The following C6orf118 variants were observed in gnomAD, a reference collection of about 807,000 sequenced individuals.
C6orf118 encodes the protein chromosome 6 open reading frame 118.
C6orf118 carries 50 observed loss-of-function variants against 50.2 expected under a neutral mutation model. That is an observed-to-expected ratio of 1.00 (90% CI 0.79 to 1.26). C6orf118 has a LOEUF of 1.26. Among genes scored for constraint, C6orf118 ranks in the 50% most tolerant of loss-of-function variants. The probability of loss-of-function intolerance (pLI) is 0.00; values close to 1 mark genes in which losing one functional copy is unlikely to be tolerated. For synonymous variants in C6orf118, 239 were observed against 230.9 expected (o/e 1.03, Z -0.32); for missense variants, 641 against 578.7 (o/e 1.11, Z -1.10).
rs940974799 is a variant in C6orf118 at position 165,302,425 on chromosome 6, C to T, written c.26-129G>A. The T allele has an allele frequency of 2.5e-6, 3 of 1,193,458 alleles. No individual in the cohort carries two copies. In the African/African-American group the frequency reaches 4.6e-5, roughly 18 times the overall value. The allele number at this position is 1,193,458 out of a possible 1,614,324, so 73.9% of individuals were successfully genotyped here. On this transcript the variant is annotated intron_variant, in intron 1 of 8. Coordinates refer to ENST00000230301, the MANE Select transcript of C6orf118 (RefSeq NM_144980.4). ...TATGGAGAAACAGACGAACAGAGTA[C>T]ATGGCCCAGCCCTTAAAAGTCAAAG...
At chr6:165,302,752 G>A (rs1049161305) in intron 1 of C6orf118, among the ~76,000 whole-genome samples, 2 of 152,234 alleles carry the variant, frequency 1.3e-5, no homozygotes, top group East Asian at 3.9e-4. Flanking sequence ...AGCAGTCCCT[G>A]ACTAAACCCC....
At chr6:165,300,253 G>C in intron 3 of C6orf118, 111 bp downstream of exon 3, 2 of 1,303,730 alleles carry the variant, frequency 1.5e-6, no homozygotes, top group African/African-American at 1.5e-5. Context: ...CCTGTCTGTA[G>C]AAGGGGGCCT....
intron 5 of C6orf118, among the ~76,000 whole-genome samples, chr6:165,295,502 A>C (rs1019525423): frequency 6.6e-6 from 1 of 152,104 alleles, no homozygotes; most frequent in Non-Finnish European, 1.5e-5. Context: ...TTCTTTTCTC[A>C]TAGTAGTTTG....
chr6:165,280,852 T>C (rs1334408207), intron 8 of C6orf118, among the ~76,000 whole-genome samples: 1 of 152,162 alleles, frequency 6.6e-6, no homozygotes, highest in Admixed American at 6.5e-5. Flanking sequence ...GGAGCCCTAG[T>C]TCCTTAATGA....
intron 8 of C6orf118, among the ~76,000 whole-genome samples, chr6:165,281,200 C>T (rs1297767678): frequency 6.6e-6 from 1 of 152,154 alleles, no homozygotes; most frequent in Admixed American, 6.5e-5. Flanking sequence ...AAAGCCATGC[C>T]TTCCCACGTT....
At chr6:165,308,156 G>A (rs1331573669) in intron 1 of C6orf118, among the ~76,000 whole-genome samples, 2 of 152,192 alleles carry the variant, frequency 1.3e-5, no homozygotes, top group African/African-American at 4.8e-5. Context: ...TGTGGAAGCA[G>A]AATGATGGGA....
intron 7 of C6orf118, among the ~76,000 whole-genome samples, chr6:165,282,729 A>AAG (rs1275196786): frequency 2.0e-5 from 3 of 150,676 alleles, no homozygotes; most frequent in African/African-American, 7.3e-5. Flanking sequence ...TAACAATGGC[A>AAG]ATTCTATTGT....
intron 6 of C6orf118, among the ~76,000 whole-genome samples, chr6:165,292,036 G>A (rs1780122281): frequency 6.6e-6 from 1 of 152,132 alleles, no homozygotes; most frequent in Non-Finnish European, 1.5e-5. Flanking sequence ...GCTAGCTGAG[G>A]GGATAGAAAT....
intron 3 of C6orf118, among the ~76,000 whole-genome samples, chr6:165,299,822 T>C (rs1051349435): frequency 6.6e-6 from 1 of 152,206 alleles, no homozygotes; most frequent in African/African-American, 2.4e-5. Flanking sequence ...TAGCTGGGAT[T>C]ATAGGCATGT....
At chr6:165,300,742 C>T (rs1318382337) in intron 2 of C6orf118, among the ~76,000 whole-genome samples, 6 of 152,096 alleles carry the variant, frequency 3.9e-5, no homozygotes, top group Non-Finnish European at 7.4e-5. Flanking sequence ...CGTGCTCAAG[C>T]ATTCACTCTC....
In C6orf118 at chr6:165,301,628, G is replaced by C. The variant is rs772531619; in HGVS notation, c.694C>G (p.Leu232Val). 6.2e-7 allele frequency: 1 copy of C among 1,614,104 alleles called. No homozygotes were observed. Among genetic ancestry groups the C allele is most frequent in the East Asian group, 2.2e-5 (1 of 44,864 alleles). The change falls in exon 2 of 9, where the codon CTG becomes GTG. Residue 232 changes from leucine to valine, a missense_variant. Coordinates refer to ENST00000230301, the MANE Select transcript of C6orf118 (RefSeq NM_144980.4). ...QKEVLAKQDLLKNDFTGSKAA... is the reference protein window; with the variant it reads ...QKEVLAKQDLVKNDFTGSKAA... ...TTGCTCCCAGTGAAGTCATTCTTCAGGAGATCTTGCTTGGCGAGCACTTCC... is the reference window on the plus strand; with the variant it reads ...TTGCTCCCAGTGAAGTCATTCTTCACGAGATCTTGCTTGGCGAGCACTTCC...
chr6:165,281,150 A>C (rs1779716014), intron 8 of C6orf118, among the ~76,000 whole-genome samples: 1 of 152,202 alleles, frequency 6.6e-6, no homozygotes, highest in African/African-American at 2.4e-5. Context: ...GGAGTTTTCA[A>C]AGATTTAACA....
chr6:165,301,330 CACA>C (rs1780524767), intron 2 of C6orf118, among the ~76,000 whole-genome samples: 1 of 151,344 alleles, frequency 6.6e-6, no homozygotes, highest in Admixed American at 6.6e-5. Context: ...GAGAGCACTG[CACA>C]GAGAGCACTG....
At chr6:165,282,647 C>CTTTT (rs3079844) in intron 7 of C6orf118, among the ~76,000 whole-genome samples, 74,681 of 140,862 alleles carry the variant, frequency 0.53, 21,430 homozygotes, top group East Asian at 0.74. Flanking sequence ...ACATTCAGCT[C>CTTTT]TTTTTTTTTT....
chr6:165,280,819 AG>A (rs1309291599), intron 8 of C6orf118, among the ~76,000 whole-genome samples: 1 of 152,212 alleles, frequency 6.6e-6, no homozygotes, highest in Non-Finnish European at 1.5e-5. Context: ...CCACACTCAA[AG>A]GAAAGCAGGG....
rs752077898 is a variant in C6orf118, at chr6:165,289,944, G to A, written c.1244C>T (p.Thr415Ile). 2 of 1,610,576 alleles carry A rather than the reference G, an allele frequency of 1.2e-6. No individual in the cohort carries two copies. The highest frequency in any genetic ancestry group is 1.1e-5 in the South Asian group (1 of 90,496). The change falls in exon 7 of 9, where the codon ACA becomes ATA. Residue 415 changes from threonine to isoleucine, a missense_variant. Transcript: ENST00000230301. ...EIQALEKEIK[T>I]TLVHTGISDI... ...TGAAATTCCAGTATGAACCAAAGTT[G>A]TTTTAATTTCTTTTTCCAGAGCTTG...
chr6:165,283,064 G>A (rs1239383845), intron 7 of C6orf118, among the ~76,000 whole-genome samples: 1 of 152,120 alleles, frequency 6.6e-6, no homozygotes, highest in African/African-American at 2.4e-5. Context: ...CAAGATGGCC[G>A]ACTAGAAGCA....
At chr6:165,290,169 A>T (rs1319852358) in intron 6 of C6orf118, 102 bp from the exon 7 acceptor site, 1 of 676,462 alleles carries the variant, frequency 1.5e-6, no homozygotes, top group Admixed American at 3.5e-5. Flanking sequence ...TATAGTATAT[A>T]TAACTATAAA....
At chr6:165,292,376 T>C (rs1329636268) in intron 6 of C6orf118, among the ~76,000 whole-genome samples, 2 of 151,920 alleles carry the variant, frequency 1.3e-5, no homozygotes, top group East Asian at 3.9e-4. Flanking sequence ...AATGAAAGGG[T>C]GATGGGAACA....
Sources: gnomAD v4.1 joint callset for allele counts (sites outside exome capture counted in the v4.1 genomes callset) on GRCh38, gnomAD v4.1.1 for gene constraint, MANE v1.5 for transcripts, NCBI Gene and HGNC (gene_info 2026-07-23, HGNC 2026-07-21) for gene names.